The following FUS variants were observed in gnomAD, a reference collection of about 807,000 sequenced individuals.
The protein encoded by FUS is RNA-binding protein FUS.
A neutral mutation model predicts 82.7 loss-of-function variants in FUS; 5 were observed. The ratio of observed to expected loss-of-function variants is 0.06; its 90% confidence interval spans 0.03 to 0.13. The LOEUF is 0.13. Among genes scored for constraint, FUS ranks in the 10% least tolerant of loss-of-function variants. FUS has a pLI of 1.00. For synonymous variants in FUS, 281 were observed against 247.4 expected, an observed-to-expected ratio of 1.14 and a Z score of -1.27; for missense variants, 512 against 707.8, an observed-to-expected ratio of 0.72 and a Z score of 3.14.
At chr16:31,184,859 GTCAAACCTTT>G (rs1471114994) in intron 5 of FUS, 70 bp from the exon 6 acceptor site, 135 of 1,462,472 alleles carry the variant, frequency 9.2e-5, no homozygotes, top group Non-Finnish European at 1.2e-4. Context: ...CCTGGCACTT[GTCAAACCTTT>G]TCAAACCTTT....
At chr16:31,194,327 C>A, downstream of FUS, 1 of 520,876 alleles carries the variant, frequency 1.9e-6, no homozygotes, top group Admixed American at 2.3e-5. Flanking sequence ...GTCTCACTCT[C>A]ACCCAGGCTG....
Position 31,187,018 on chromosome 16 carries a change from AG to A in FUS, c.799+186del, listed in dbSNP as rs2079280499. ...TGGTGTGTGCTAACCTGGAGCAGGT[AG>A]GGGTAAGACTCAATAGTCATCTTTT... On this transcript the variant is annotated intron_variant, in intron 7 of 14. Transcript: ENST00000254108. 7 of 681,844 alleles carry A rather than the reference AG, an allele frequency of 1.0e-5. No homozygotes were observed. The South Asian group carries it at 1.1e-4, about 11-fold the overall frequency. The allele number at this position is 681,844 out of a possible 1,614,324, so 42.2% of individuals were successfully genotyped here.
downstream of FUS, chr16:31,192,648 C>T (rs1215105655): frequency 1.9e-5 from 9 of 483,050 alleles, no homozygotes; most frequent in Admixed American, 4.6e-5. Flanking sequence ...GTAGCCTCTG[C>T]CTCCTGAGTT....
chr16:31,180,312 G>A, intron 1 of FUS, 85 bp downstream of exon 1: 1 of 1,517,364 alleles, frequency 6.6e-7, no homozygotes, highest in South Asian at 1.2e-5. Context: ...GGACCGGGGC[G>A]GCGATCCCGT....
chr16:31,190,277 C>G lies in FUS; in HGVS notation c.1171C>G (p.Pro391Ala), dbSNP rs560450437. The G allele has an allele frequency of 3.0e-5, 48 of 1,614,002 alleles. No homozygotes were observed. In the South Asian group the frequency reaches 4.7e-4, roughly 16 times the overall value. Residue 391 changes from proline to alanine, a missense_variant and splice_region_variant, in exon 12 of 15, where the codon CCC (proline) becomes GCC (alanine). Physicochemically the swap from Pro to Ala is conservative, Grantham distance 27 (BLOSUM62 -1). Transcript: ENST00000254108. ...CATACTTGGTCTATCTGCATTAGGA[C>G]CCATGGGCCGTGGAGGCTATGGAGG... ...NGRGGRGRGGPMGRGGYGGGG... is the reference protein window; with the variant it reads ...NGRGGRGRGGAMGRGGYGGGG...
rs928423344 is a variant in FUS, at chr16:31,186,830, T to G, written c.793T>G (p.Phe265Val). 2.5e-6 allele frequency: 4 copies of G among 1,614,112 alleles called. No individual in the cohort carries two copies. The highest frequency in any genetic ancestry group is 3.4e-6 in the Non-Finnish European group (4 of 1,179,920). The change falls in exon 7 of 15, where the codon TTT becomes GTT. Residue 265 changes from phenylalanine (F) to valine (V), a missense_variant. Physicochemically the swap from Phe to Val is conservative, Grantham distance 50. Coordinates refer to ENST00000254108, the MANE Select transcript of FUS (RefSeq NM_004960.4). ...GGSDRGGFNK[F>V]GGPRDQGSRH... ...AAGTGACCGTGGTGGCTTCAATAAATTTGGTGGTAAGTGAACAGAGTTTCC... is the reference window on the plus strand; with the variant it reads ...AAGTGACCGTGGTGGCTTCAATAAAGTTGGTGGTAAGTGAACAGAGTTTCC...
At chr16:31,191,224 T>C (rs1345950501) in intron 14 of FUS, 114 bp downstream of exon 14, 1 of 1,501,234 alleles carries the variant, frequency 6.7e-7, no homozygotes, top group East Asian at 2.3e-5. Flanking sequence ...AGACCTGAGG[T>C]TGTAACCAGT....
At chr16:31,183,291 C>A (rs183955789) in intron 3 of FUS, 28 of 166,078 alleles carry the variant, frequency 1.7e-4, no homozygotes, top group Non-Finnish European at 3.0e-4. Flanking sequence ...AAAAAAAAAA[C>A]AAAAAACAAA....
intron 7 of FUS, chr16:31,188,087 T>C: frequency 1.7e-6 from 1 of 581,706 alleles, no homozygotes; most frequent in Non-Finnish European, 3.0e-6. Flanking sequence ...TGCTGAAGTG[T>C]GGAGTTGTCT....
chr16:31,184,272 G>A lies in FUS; in HGVS notation c.399G>A (p.Gln133=). The A allele has an allele frequency of 6.2e-7, 1 of 1,614,152 alleles. No individual in the cohort carries two copies. The highest frequency in any genetic ancestry group is 8.5e-7 in the Non-Finnish European group (1 of 1,180,014). Reference sequence around the variant, plus strand: ...CCCAGAGTGGGAGCTACAGCCAGCAGCCTAGCTATGGTGGACAGCAGCAAA... The same window carrying A: ...CCCAGAGTGGGAGCTACAGCCAGCAACCTAGCTATGGTGGACAGCAGCAAA... ...GQPQSGSYSQ[Q]PSYGGQQQSY... Residue 133 remains glutamine, a synonymous_variant, in exon 5 of 15, where the codon CAG becomes CAA. Transcript: ENST00000254108.
chr16:31,180,306 C>A (rs1596884456), intron 1 of FUS, 79 bp downstream of exon 1: 1 of 1,533,508 alleles, frequency 6.5e-7, no homozygotes, highest in African/African-American at 1.4e-5. Flanking sequence ...TCAGTGGGAC[C>A]GGGGCGGCGA....
chr16:31,180,257 G>A (rs780323776), intron 1 of FUS, 30 bp downstream of exon 1: 2 of 1,601,516 alleles, frequency 1.2e-6, no homozygotes, highest in East Asian at 4.5e-5. Context: ...GACGGCGGCG[G>A]CGCACCCGGC....
chr16:31,187,060 C>T (rs777810164), intron 7 of FUS: 1 of 604,998 alleles, frequency 1.7e-6, no homozygotes, highest in East Asian at 2.8e-5. Context: ...ATGGGTTTGC[C>T]CCAGGTTAAT....
At chr16:31,180,937 C>T (rs1792921676) in intron 1 of FUS, among the ~76,000 whole-genome samples, 1 of 151,390 alleles carries the variant, frequency 6.6e-6, no homozygotes, top group African/African-American at 2.4e-5. Flanking sequence ...TTTGGAGACA[C>T]GGTCTTCCTC....
At chr16:31,185,714 T>G in intron 6 of FUS, 1 of 407,680 alleles carries the variant, frequency 2.5e-6, no homozygotes, top group East Asian at 4.9e-5. Flanking sequence ...GTGACTTGGT[T>G]TATGGGGCCA....
chr16:31,192,901 G>A (rs780043463), downstream of FUS: 25 of 486,214 alleles, frequency 5.1e-5, no homozygotes, highest in South Asian at 3.7e-4. Flanking sequence ...TGTTCCACAA[G>A]TATGTTCTCT....
chr16:31,193,444 T>C (rs747504426), downstream of FUS: 2 of 527,778 alleles, frequency 3.8e-6, no homozygotes, highest in South Asian at 3.1e-5. Context: ...GATATTTGAG[T>C]AGTTCACTGT....
At position 31,191,484 on chromosome 16, in the gene FUS, C is replaced by T. The variant is rs757713550; in HGVS notation, c.*46C>T. 4.4e-6 allele frequency: 7 copies of T among 1,594,390 alleles called. No individual in the cohort carries two copies. The South Asian group carries it at 7.7e-5, about 18-fold the overall frequency. ...CTGGAACAGCTTTTTGTCCTGTACC[C>T]AGTGTTACCCTCGTTATTTTGTAAC... On this transcript the variant is annotated 3_prime_UTR_variant, in exon 15 of 15. Transcript: ENST00000254108.
intron 1 of FUS, among the ~76,000 whole-genome samples, chr16:31,181,389 C>T (rs934958735): frequency 6.6e-5 from 10 of 152,076 alleles, no homozygotes; most frequent in Admixed American, 6.6e-5. Context: ...GCTTTTGTTG[C>T]TTTTTGTTCG....
Sources: allele counts gnomAD v4.1 joint callset (sites outside exome capture counted in the v4.1 genomes callset), GRCh38; gene constraint gnomAD v4.1.1; transcripts MANE v1.5; gene names NCBI Gene and HGNC (gene_info 2026-07-23, HGNC 2026-07-21).